The following PIGR variants were observed in gnomAD, a reference collection of about 807,000 sequenced individuals.
PIGR encodes the protein polymeric immunoglobulin receptor.
A neutral mutation model predicts 69.5 loss-of-function variants in PIGR; 22 were observed. That is an observed-to-expected ratio of 0.32 (90% CI 0.23 to 0.45). The LOEUF (loss-of-function observed/expected upper bound fraction) is 0.45, where lower values mean the gene tolerates loss of function less well. PIGR is among the 20% of genes least tolerant of loss of function. The probability of loss-of-function intolerance (pLI) is 1.00; values close to 1 mark genes in which losing one functional copy is unlikely to be tolerated. For missense variants in PIGR, 885 were observed against 974.0 expected, an observed-to-expected ratio of 0.91 and a Z score of 1.22; for synonymous variants, 413 against 407.6, an observed-to-expected ratio of 1.01 and a Z score of -0.16.
chr1:206,937,696 C>T lies in PIGR; in HGVS notation c.444G>A (p.Val148=). 1 of 1,614,014 alleles carries T rather than the reference C, an allele frequency of 6.2e-7. No individual in the cohort carries two copies. Among genetic ancestry groups the T allele is most frequent in the Non-Finnish European group, 8.5e-7 (1 of 1,180,002 alleles). The change falls in exon 4 of 11, where the codon GTG becomes GTA. Residue 148 remains valine, a synonymous_variant. Coordinates refer to ENST00000356495, the MANE Select transcript of PIGR (RefSeq NM_002644.4). ...KVYTVDLGRT[V]TINCPFKTEN... is the part of the protein sequence containing the mutation. ...CAGTCTTGAAAGGGCAGTTGATGGT[C>T]ACCGTTCTGCCCAGGTCCACTGTGT...
intron 1 of PIGR, among the ~76,000 whole-genome samples, chr1:206,942,894 G>A (rs1284889627): frequency 6.6e-6 from 1 of 152,214 alleles, no homozygotes; most frequent in Non-Finnish European, 1.5e-5. Context: ...GTCCTAGATG[G>A]GATGATTGGC....
chr1:206,941,016 C>T (rs2102603236), intron 1 of PIGR, among the ~76,000 whole-genome samples: 1 of 152,274 alleles, frequency 6.6e-6, no homozygotes, highest in South Asian at 2.1e-4. Flanking sequence ...ACAGTGTGTT[C>T]AGATGAGGAA....
Position 206,930,937 on chromosome 1 carries a change from G to A in PIGR, c.2200-524C>T, listed in dbSNP as rs557214041. On this transcript the variant is annotated intron_variant, in intron 10 of 10. Transcript: ENST00000356495. The surrounding 1 kb of genome is among the most constrained non-coding windows in gnomAD (Gnocchi z 4.3). ...CACCTCGGGATTAAAGGCATGAGAT[G>A]TTATTTTTCTTGGTCCCCTGAGTCC... 6 of 985,310 alleles carry A rather than the reference G, an allele frequency of 6.1e-6. No individual in the cohort carries two copies. The highest frequency in any genetic ancestry group is 6.0e-6 in the Non-Finnish European group (5 of 829,916). 61.0% of individuals were successfully genotyped at this position (985,310 alleles called of 1,614,324 possible).
intron 1 of PIGR, among the ~76,000 whole-genome samples, chr1:206,942,662 CAG>C (rs1055048833): frequency 2.0e-5 from 3 of 152,204 alleles, no homozygotes; most frequent in Non-Finnish European, 4.4e-5. Flanking sequence ...GCCTGGGTTG[CAG>C]AGAGTCAGAT....
chr1:206,932,928 C>T (rs903368430), intron 7 of PIGR, 58 bp downstream of exon 7: 3 of 1,565,338 alleles, frequency 1.9e-6, no homozygotes, highest in East Asian at 2.2e-5. Context: ...GGTGGCCCAG[C>T]CTCAGGTGCT....
intron 2 of PIGR, 29 bp downstream of exon 2, chr1:206,940,460 C>T: frequency 5.2e-6 from 8 of 1,550,352 alleles, no homozygotes; most frequent in Non-Finnish European, 6.1e-6. Context: ...AGGGGTGGAG[C>T]TTGGAGAGTT....
intron 1 of PIGR, among the ~76,000 whole-genome samples, chr1:206,942,151 G>A (rs149541333): frequency 1.3e-3 from 199 of 152,376 alleles, no homozygotes; most frequent in Admixed American, 8.8e-3. Context: ...AAGGGAGGGA[G>A]TGGGAACAAA....
chr1:206,932,898 G>A, intron 7 of PIGR, 88 bp downstream of exon 7: 4 of 1,336,144 alleles, frequency 3.0e-6, no homozygotes, highest in Non-Finnish European at 4.2e-6. Flanking sequence ...AGAGACAGAT[G>A]GGCTTTCCTC....
Position 206,935,890 on chromosome 1 carries a change from T to C in PIGR, c.1046-72A>G, listed in dbSNP as rs1283779870. 15 of 1,174,218 alleles carry C rather than the reference T, an allele frequency of 1.3e-5. No homozygotes were observed. Among genetic ancestry groups the C allele is most frequent in the Admixed American group, 4.9e-5 (2 of 40,448 alleles). The allele number at this position is 1,174,218 out of a possible 1,614,324, so 72.7% of individuals were successfully genotyped here. On this transcript the variant is annotated intron_variant, in intron 4 of 10. Transcript: ENST00000356495. The surrounding 1 kb of genome is among the most constrained non-coding windows in gnomAD (Gnocchi z 4.4). ...GAGCCTTGCGTGGCCTGAGAAGCCT[T>C]CTTCCCGGGGTCTCAGCCAGGATGG...
chr1:206,932,472 C>T lies in PIGR; in HGVS notation c.1992G>A (p.Arg664=), dbSNP rs751195463. 6.2e-7 allele frequency: 1 copy of T among 1,612,016 alleles called. No homozygotes were observed. ...GGGACTCACCGACGTTCTTCCTGTG[C>T]CGGGCTCTGGCCACCCCCACAGCCA... ...GAVAVGVARA[R]HRKNVDRVSI... is the part of the protein sequence containing the mutation. Residue 664 remains arginine, a synonymous_variant, in exon 8 of 11, where the codon CGG becomes CGA. Coordinates refer to ENST00000356495, the MANE Select transcript of PIGR (RefSeq NM_002644.4).
Position 206,939,108 on chromosome 1 carries a change from T to C in PIGR, c.388+11A>G. 1.3e-6 allele frequency: 2 copies of C among 1,594,674 alleles called. No homozygotes were observed. Among genetic ancestry groups the C allele is most frequent in the Non-Finnish European group, 8.6e-7 (1 of 1,165,874 alleles). ...CTTTCCCCCAGAAGCCCAAGGAGCT[T>C]GGATCCTTACCCTGGCTGACCTCCA... On this transcript the variant is annotated intron_variant, in intron 3 of 10. Transcript: ENST00000356495.
chr1:206,932,934 G>A, intron 7 of PIGR, 52 bp downstream of exon 7: 1 of 1,580,310 alleles, frequency 6.3e-7, no homozygotes, highest in Non-Finnish European at 8.6e-7. Context: ...CCAGCCTCAG[G>A]TGCTCGGCTC....
intron 6 of PIGR, among the ~76,000 whole-genome samples, chr1:206,933,425 A>G (rs1423222392): frequency 6.6e-6 from 1 of 152,190 alleles, no homozygotes; most frequent in Non-Finnish European, 1.5e-5. Flanking sequence ...CTGTGCATAA[A>G]GGCTGACCCA....
At chr1:206,940,082 T>A (rs527453847) in intron 2 of PIGR, among the ~76,000 whole-genome samples, 2 of 152,324 alleles carry the variant, frequency 1.3e-5, no homozygotes, top group South Asian at 4.1e-4. Flanking sequence ...ACTTGCCATG[T>A]GTTATTTCCT....
intron 1 of PIGR, among the ~76,000 whole-genome samples, chr1:206,941,671 C>T (rs1407618162): frequency 1.3e-5 from 2 of 152,208 alleles, no homozygotes; most frequent in African/African-American, 2.4e-5. Context: ...GAAGATGAGA[C>T]CACTCAGACG....
rs558207863 is a variant in PIGR at position 206,928,619 on chromosome 1, A to G, written c.*1699T>C. ...TGGTTGAAGTACAGAACTCAGAGGA[A>G]AAAAGAAATTAAATTTTAGCTTTCT... On this transcript the variant is annotated 3_prime_UTR_variant, in exon 11 of 11. Coordinates refer to ENST00000356495, the MANE Select transcript of PIGR (RefSeq NM_002644.4). 5 of 152,724 alleles carry G rather than the reference A, an allele frequency of 3.3e-5. No homozygotes were observed. The East Asian group carries it at 9.7e-4, about 29-fold the overall frequency. 9.5% of individuals were successfully genotyped at this position (152,724 alleles called of 1,614,324 possible). A position where few individuals can be genotyped will look rare whatever the true frequency, so the allele number is the denominator to read the frequency against.
intron 1 of PIGR, among the ~76,000 whole-genome samples, chr1:206,943,340 T>A (rs1680034829): frequency 6.6e-6 from 1 of 152,176 alleles, no homozygotes; most frequent in African/African-American, 2.4e-5. Context: ...TACCCCATTA[T>A]CACTCTTTAA....
chr1:206,932,532 C>T lies in PIGR; in HGVS notation c.1932G>A (p.Leu644=), dbSNP rs1249268847. The part of the protein sequence containing the change: ...GGSSRALVST[L]VPLGLVLAVG... ...CTGCCAGCACCAGGCCCAGGGGCAC[C>T]AGGGTGGAGACCAGCGCTCTGGAGC... The change falls in exon 8 of 11, where the codon CTG becomes CTA. Residue 644 remains leucine (L), a synonymous_variant. Transcript: ENST00000356495. 6.2e-7 allele frequency: 1 copy of T among 1,613,840 alleles called. No individual in the cohort carries two copies. Among genetic ancestry groups the T allele is most frequent in the Non-Finnish European group, 8.5e-7 (1 of 1,180,022 alleles).
In PIGR at chr1:206,934,746, C is replaced by T. The variant is rs199862432; in HGVS notation, c.1379G>A (p.Gly460Glu). The T allele has an allele frequency of 7.5e-6, 12 of 1,601,354 alleles. No homozygotes were observed. In the African/African-American group the frequency reaches 8.0e-5, roughly 11 times the overall value. The change falls in exon 6 of 11, where the codon GGA (glycine) becomes GAA (glutamate). Residue 460 changes from glycine to glutamate, a missense_variant and splice_region_variant. Physicochemically the swap from Gly to Glu is moderately conservative, Grantham distance 98. Transcript: ENST00000356495. ...RTTVEIKIIEGEPNLKVPGNV... is the reference protein window; with the variant it reads ...RTTVEIKIIEEEPNLKVPGNV... ...CCCTGGTACCTTGAGGTTTGGTTCT[C>T]CTGGAGGAGGGAGGGAGGTAGAAAT...
Sources: gnomAD v4.1 joint callset for allele counts (sites outside exome capture counted in the v4.1 genomes callset) on GRCh38, gnomAD v4.1.1 for gene constraint, Gnocchi (gnomAD v3.1) non-coding constraint, MANE v1.5 for transcripts, NCBI Gene and HGNC (gene_info 2026-07-23, HGNC 2026-07-21) for gene names.